Variants in NEURL1B observed in about 807,000 individuals in gnomAD.
NEURL1B encodes E3 ubiquitin-protein ligase NEURL1B.
NEURL1B carries 13 observed loss-of-function variants against 37.4 expected under a neutral mutation model. The observed-to-expected ratio is 0.35, with a 90% CI of 0.23 to 0.55. The LOEUF (loss-of-function observed/expected upper bound fraction) is 0.55. Ranked by LOEUF, NEURL1B falls within the 20% of genes least tolerant of loss-of-function variation. The pLI is 0.89. For missense variants in NEURL1B, 790 were observed against 879.2 expected (o/e 0.90, Z 1.28); for synonymous variants, 432 against 426.6 (o/e 1.01, Z -0.16).
In NEURL1B at chr5:172,686,111, T is replaced by C. The variant is rs894085813; in HGVS notation, c.1298-60T>C. 3.2e-6 allele frequency: 5 copies of C among 1,539,410 alleles called. No individual in the cohort carries two copies. The highest frequency in any genetic ancestry group is 1.4e-5 in the African/African-American group (1 of 72,836). On this transcript the variant is annotated intron_variant, in intron 3 of 4. Coordinates refer to ENST00000369800, the MANE Select transcript of NEURL1B (RefSeq NM_001142651.3). The surrounding 1 kb of genome is among the most constrained non-coding windows in gnomAD (Gnocchi z 7.9). ...TAAGGTGCAAAGCAGTGAAGAACCA[T>C]GGACTAGCAGGGCAGGTCCAACCTT...
intron 1 of NEURL1B, among the ~76,000 whole-genome samples, chr5:172,650,364 A>G (rs1420258013): frequency 6.6e-6 from 1 of 152,168 alleles, no homozygotes; most frequent in Non-Finnish European, 1.5e-5. Flanking sequence ...TAGGTCACTC[A>G]GGGGCTCTGT....
At chr5:172,673,096 CTT>C (rs1435940095) in intron 2 of NEURL1B, among the ~76,000 whole-genome samples, 4 of 152,112 alleles carry the variant, frequency 2.6e-5, no homozygotes, top group Non-Finnish European at 4.4e-5. Flanking sequence ...TTATGAGTGA[CTT>C]TTTATTTTTC....
chr5:172,646,212 G>A (rs1040409278), intron 1 of NEURL1B, among the ~76,000 whole-genome samples: 3 of 152,126 alleles, frequency 2.0e-5, no homozygotes, highest in African/African-American at 7.2e-5. Context: ...ATTTCAGCTC[G>A]GCCAGTTCCC....
In NEURL1B at chr5:172,647,652, G is replaced by A. The variant is rs1389690710; in HGVS notation, c.31+6215G>A. ...AGGTGCACTCCCTTTGCCCTCTGAA[G>A]ATGAATTACTTCTGTCCACAGCCGC... On this transcript the variant is annotated intron_variant, in intron 1 of 4. Coordinates refer to ENST00000369800, the MANE Select transcript of NEURL1B (RefSeq NM_001142651.3). This position sits in a 1 kb window ranked among gnomAD's most constrained non-coding sequence, Gnocchi z 4.2. 1.3e-5 allele frequency among the ~76,000 whole-genome samples: 2 copies of A among 152,124 alleles called. No individual in the cohort carries two copies. Among genetic ancestry groups the A allele is most frequent in the African/African-American group, 2.4e-5 (1 of 41,408 alleles).
chr5:172,651,275 T>C (rs1324292335), intron 1 of NEURL1B, among the ~76,000 whole-genome samples: 5 of 152,172 alleles, frequency 3.3e-5, no homozygotes, highest in Non-Finnish European at 7.3e-5. Context: ...GATAGTTAAG[T>C]GAGGTTTTAG....
At chr5:172,650,087 A>G (rs1757633827) in intron 1 of NEURL1B, among the ~76,000 whole-genome samples, 1 of 152,200 alleles carries the variant, frequency 6.6e-6, no homozygotes, top group Non-Finnish European at 1.5e-5. Flanking sequence ...TTTTGTTTAC[A>G]TCCTCAACAT....
At position 172,690,992 on chromosome 5, in the gene NEURL1B, A is replaced by G. The variant is rs960775495; in HGVS notation, c.*4067A>G. On this transcript the variant is annotated 3_prime_UTR_variant, in exon 5 of 5. Transcript: ENST00000369800. ...GCCCTGCGCCTGCCCCAGTCCTGGCAGGGGGCACCGGCTCAGGAACATGCG... is the reference window on the plus strand; with the variant it reads ...GCCCTGCGCCTGCCCCAGTCCTGGCGGGGGGCACCGGCTCAGGAACATGCG... 6.6e-6 allele frequency: 1 copy of G among 152,096 alleles called. No homozygotes were observed. The highest frequency in any genetic ancestry group is 1.5e-5 in the Non-Finnish European group (1 of 68,022). 9.4% of individuals were successfully genotyped at this position (152,096 alleles called of 1,614,324 possible). A position where few individuals can be genotyped will look rare whatever the true frequency, so the allele number is the denominator to read the frequency against.
At chr5:172,664,147 A>G (rs10061713) in intron 1 of NEURL1B, among the ~76,000 whole-genome samples, 80,177 of 151,884 alleles carry the variant, frequency 0.53, 21,565 homozygotes, top group South Asian at 0.63. Flanking sequence ...AACTACTTAT[A>G]TTACTGAGTA....
chr5:172,656,217 G>A (rs1757773525), intron 1 of NEURL1B, among the ~76,000 whole-genome samples: 1 of 152,184 alleles, frequency 6.6e-6, no homozygotes, highest in African/African-American at 2.4e-5. Flanking sequence ...ATGAGTTAGG[G>A]TAGAGCAGGT....
At chr5:172,652,702 G>A (rs1757690153) in intron 1 of NEURL1B, among the ~76,000 whole-genome samples, 1 of 152,218 alleles carries the variant, frequency 6.6e-6, no homozygotes, top group Admixed American at 6.5e-5. Flanking sequence ...AGTCAGGAGG[G>A]ATAGAGGTAC....
chr5:172,686,409 C>T lies in NEURL1B; in HGVS notation c.1423+113C>T. On this transcript the variant is annotated intron_variant, in intron 4 of 4. Transcript: ENST00000369800. This position sits in a 1 kb window ranked among gnomAD's most constrained non-coding sequence, Gnocchi z 7.9. ...AGGGTGGCCGCCTTTCCCCCGCATC[C>T]TCTCCTTCCCTCAGCTGTATGCTCA... The T allele has an allele frequency of 1.8e-6, 2 of 1,126,134 alleles. No individual in the cohort carries two copies. The highest frequency in any genetic ancestry group is 1.3e-6 in the Non-Finnish European group (1 of 787,756). 69.8% of individuals were successfully genotyped at this position (1,126,134 alleles called of 1,614,324 possible). A position where few individuals can be genotyped will look rare whatever the true frequency, so the allele number is the denominator to read the frequency against.
Position 172,689,911 on chromosome 5 carries a change from T to G in NEURL1B, c.*2986T>G, listed in dbSNP as rs922799251. The stretch of plus-strand genomic sequence containing the variant: ...CCTGGCAGAGCTGAGGTCTGAGAGA[T>G]CTGGACTCCAACCCAAGGGCCCTCT... On this transcript the variant is annotated 3_prime_UTR_variant, in exon 5 of 5. Coordinates refer to ENST00000369800, the MANE Select transcript of NEURL1B (RefSeq NM_001142651.3). The G allele has an allele frequency of 6.6e-6, 1 of 152,254 alleles. No homozygotes were observed. The highest frequency in any genetic ancestry group is 2.4e-5 in the African/African-American group (1 of 41,422). 9.4% of individuals were successfully genotyped at this position (152,254 alleles called of 1,614,324 possible).
At chr5:172,668,516 G>A (rs1003043011) in intron 1 of NEURL1B, among the ~76,000 whole-genome samples, 1 of 151,920 alleles carries the variant, frequency 6.6e-6, no homozygotes, top group Non-Finnish European at 1.5e-5. Context: ...ATTTTCCCCT[G>A]CCCTAGCTCC....
chr5:172,680,643 T>A (rs1034349630), intron 2 of NEURL1B, among the ~76,000 whole-genome samples: 3 of 152,210 alleles, frequency 2.0e-5, no homozygotes, highest in African/African-American at 7.2e-5. Flanking sequence ...AAGAGAAAAC[T>A]AGAAAACTAT....
In NEURL1B at chr5:172,690,670, T is replaced by G. The variant is rs17657305; in HGVS notation, c.*3745T>G. 7,625 of 152,262 alleles carry G rather than the reference T, an allele frequency of 0.05. 233 individuals carry two copies. Among genetic ancestry groups the G allele is most frequent in the Non-Finnish European group, 0.07 (4,793 of 68,044 alleles). 9.4% of individuals were successfully genotyped at this position (152,262 alleles called of 1,614,324 possible). On this transcript the variant is annotated 3_prime_UTR_variant, in exon 5 of 5. Transcript: ENST00000369800. ...TGGCCATCCGCTGCCTTGGGTCTGT[T>G]GAGGTGGGTGCCCAAAGGCTGCCTT...
intron 1 of NEURL1B, among the ~76,000 whole-genome samples, chr5:172,646,030 G>A (rs967738964): frequency 2.0e-5 from 3 of 152,170 alleles, no homozygotes; most frequent in African/African-American, 7.2e-5. Flanking sequence ...TTTCAGTTGC[G>A]CATGCGGGTG....
Position 172,686,692 on chromosome 5 carries a change from A to G in NEURL1B, c.1435A>G (p.Ser479Gly). The G allele has an allele frequency of 1.3e-6, 2 of 1,549,324 alleles. No individual in the cohort carries two copies. Among genetic ancestry groups the G allele is most frequent in the Non-Finnish European group, 1.7e-6 (2 of 1,145,500 alleles). Residue 479 changes from serine to glycine, a missense_variant, in exon 5 of 5, where the codon AGC (serine) becomes GGC (glycine). This residue lies in a region of NEURL1B where 115 missense variants were observed against 162.6 expected (regional missense o/e 0.71). Coordinates refer to ENST00000369800, the MANE Select transcript of NEURL1B (RefSeq NM_001142651.3). This position sits in a 1 kb window ranked among gnomAD's most constrained non-coding sequence, Gnocchi z 7.9. ...ASESSLVTAP[S>G]SPLSPPVSPV... ...CTCCCTTTCGGCAGTGACGGCCCCC[A>G]GCTCCCCGCTGAGCCCCCCGGTGTC...
chr5:172,674,750 C>T (rs553350362), intron 2 of NEURL1B, among the ~76,000 whole-genome samples: 4 of 152,292 alleles, frequency 2.6e-5, no homozygotes, highest in Admixed American at 6.5e-5. Context: ...ACGCCTCTGT[C>T]CAGGGGATAG....
chr5:172,651,284 A>G (rs1177050770), intron 1 of NEURL1B, among the ~76,000 whole-genome samples: 1 of 152,198 alleles, frequency 6.6e-6, no homozygotes, highest in Non-Finnish European at 1.5e-5. Context: ...GTGAGGTTTT[A>G]GTAAGTGCTG....
Sources: allele counts gnomAD v4.1 joint callset (sites outside exome capture counted in the v4.1 genomes callset), GRCh38; gene constraint gnomAD v4.1.1; regional missense constraint gnomAD v4.1.1; non-coding constraint Gnocchi (gnomAD v3.1); transcripts MANE v1.5; gene names NCBI Gene and HGNC (gene_info 2026-07-23, HGNC 2026-07-21).